SOD2: variants seen among roughly 807,000 people sequenced by gnomAD.
SOD2 encodes the protein superoxide dismutase [Mn], mitochondrial.
Under a neutral mutation model 27.0 loss-of-function variants are expected in SOD2, and 11 were observed. The observed-to-expected ratio is 0.41, with a 90% CI of 0.26 to 0.67. The LOEUF is 0.67. SOD2 is among the 30% of genes least tolerant of loss of function. The probability of loss-of-function intolerance (pLI) is 0.34; values close to 1 mark genes in which losing one functional copy is unlikely to be tolerated. For missense variants in SOD2, 250 were observed against 274.5 expected (o/e 0.91, Z 0.63); for synonymous variants, 105 against 103.0 (o/e 1.02, Z -0.12).
At chr6:159,685,981 G>A (rs1389180226) in intron 3 of SOD2, among the ~76,000 whole-genome samples, 2 of 151,872 alleles carry the variant, frequency 1.3e-5, no homozygotes, top group African/African-American at 2.4e-5. Flanking sequence ...CTTCTTCTAC[G>A]CCTCCATTTG....
intron 1 of SOD2, among the ~76,000 whole-genome samples, chr6:159,700,203 A>G (rs901286083): frequency 6.6e-6 from 1 of 152,192 alleles, no homozygotes; most frequent in African/African-American, 2.4e-5. Context: ...CAATTATTAA[A>G]CATTTAAGGG....
chr6:159,748,480 C>A, upstream of SOD2: 2 of 1,502,560 alleles, frequency 1.3e-6, no homozygotes, highest in African/African-American at 1.4e-5. The surrounding 1 kb of genome is among the most constrained non-coding windows in gnomAD (Gnocchi z 5.6). Flanking sequence ...ACTTTTTGAG[C>A]CAAAAAAAAG....
chr6:159,734,898 T>C (rs1338202803), intron 1 of SOD2, among the ~76,000 whole-genome samples: 1 of 152,182 alleles, frequency 6.6e-6, no homozygotes, highest in Non-Finnish European at 1.5e-5. Flanking sequence ...ATTACACATT[T>C]TTTCTTTGTC....
At position 159,678,986 on chromosome 6, in the gene SOD2, G is replaced by C. The variant is rs1779840948; in HGVS notation, c.*3507C>G. 6.6e-6 allele frequency: 1 copy of C among 152,180 alleles called. No individual in the cohort carries two copies. The highest frequency in any genetic ancestry group is 2.1e-4 in the South Asian group (1 of 4,826). The allele number at this position is 152,180 out of a possible 1,614,324, so 9.4% of individuals were successfully genotyped here. ...TATTACAGATATGACTGGAGATACA[G>C]GTCTTGGTCTTAAGAGTAATATTTC... On this transcript the variant is annotated 3_prime_UTR_variant, in exon 5 of 5. Transcript: ENST00000538183.
At chr6:159,738,145 T>C (rs970196348) in intron 1 of SOD2, among the ~76,000 whole-genome samples, 1 of 152,228 alleles carries the variant, frequency 6.6e-6, no homozygotes, top group African/African-American at 2.4e-5. Context: ...ACTATTATCA[T>C]GTCTAGCTTT....
rs1779796931 is a variant in SOD2, at chr6:159,677,167, G to A, written c.*5326C>T. 6.6e-6 allele frequency: 1 copy of A among 152,190 alleles called. No individual in the cohort carries two copies. Among genetic ancestry groups the A allele is most frequent in the Admixed American group, 6.5e-5 (1 of 15,278 alleles). The allele number at this position is 152,190 out of a possible 1,614,324, so 9.4% of individuals were successfully genotyped here. ...GAGCACAAATTATAGTGGGCAGAGA[G>A]GCAAACTTGGAATCACCGTGACGCT... is the stretch of plus-strand genomic sequence containing the variant. On this transcript the variant is annotated 3_prime_UTR_variant, in exon 5 of 5. Coordinates refer to ENST00000538183, the MANE Select transcript of SOD2 (RefSeq NM_000636.4).
upstream of SOD2, among the ~76,000 whole-genome samples, chr6:159,730,734 A>C (rs765901813): frequency 5.3e-5 from 8 of 152,222 alleles, no homozygotes; most frequent in Non-Finnish European, 1.2e-4. Context: ...AGACAGCTAG[A>C]GTGATCTTAA....
rs1779751888 is a variant in SOD2, at chr6:159,675,238, A to G, written c.*7255T>C. On this transcript the variant is annotated 3_prime_UTR_variant, in exon 5 of 5. Coordinates refer to ENST00000538183, the MANE Select transcript of SOD2 (RefSeq NM_000636.4). ...CCCATGACTTTCTTCATAGAATTGGAAAAAACTACTTTAAAGTTCATGTGG... is the reference window on the plus strand; with the variant it reads ...CCCATGACTTTCTTCATAGAATTGGGAAAAACTACTTTAAAGTTCATGTGG... 6.6e-6 allele frequency: 1 copy of G among 152,212 alleles called. No individual in the cohort carries two copies. The highest frequency in any genetic ancestry group is 1.5e-5 in the Non-Finnish European group (1 of 68,040). 9.4% of individuals were successfully genotyped at this position (152,212 alleles called of 1,614,324 possible).
At chr6:159,709,518 G>T (rs1777690347) in intron 1 of SOD2, among the ~76,000 whole-genome samples, 1 of 152,186 alleles carries the variant, frequency 6.6e-6, no homozygotes, top group Non-Finnish European at 1.5e-5. Context: ...ATGAAAAAAT[G>T]CTCACCATCA....
chr6:159,750,285 T>G, intron 1 of SOD2, among the ~76,000 whole-genome samples: 1 of 152,248 alleles, frequency 6.6e-6, no homozygotes, highest in Non-Finnish European at 1.5e-5. Flanking sequence ...AAATGTATTA[T>G]TAACATGTAC....
intron 1 of SOD2, 22 bp downstream of exon 1, chr6:159,693,123 A>G: frequency 6.5e-7 from 1 of 1,528,630 alleles, no homozygotes; most frequent in African/African-American, 1.4e-5. Context: ...TGGGGCCGTG[A>G]CCGGGTCCCC....
intron 1 of SOD2, among the ~76,000 whole-genome samples, chr6:159,710,320 C>T (rs576074055): frequency 8.7e-5 from 13 of 149,514 alleles, no homozygotes; most frequent in South Asian, 6.3e-4. Flanking sequence ...CGTGGTGGCA[C>T]GTGCCTATAG....
chr6:159,753,367 G>A, intron 1 of SOD2: 1 of 1,538,668 alleles, frequency 6.5e-7, no homozygotes, highest in Non-Finnish European at 8.9e-7. Context: ...ATATAGTTAT[G>A]TTTGTATGTG....
chr6:159,726,883 G>C (rs938882357), intron 1 of SOD2: 9 of 1,289,190 alleles, frequency 7.0e-6, no homozygotes, highest in Non-Finnish European at 8.1e-6. Flanking sequence ...AAACGCCCGC[G>C]GCTCGCCGCC....
At chr6:159,718,757 G>T (rs1777971420) in intron 1 of SOD2, among the ~76,000 whole-genome samples, 1 of 152,110 alleles carries the variant, frequency 6.6e-6, no homozygotes, top group Non-Finnish European at 1.5e-5. Context: ...ACAAACTAAG[G>T]TAAATAAATA....
chr6:159,724,395 CAG>C (rs1196739877), intron 1 of SOD2, among the ~76,000 whole-genome samples: 6 of 152,182 alleles, frequency 3.9e-5, no homozygotes, highest in African/African-American at 1.4e-4. Context: ...ATATACAGTA[CAG>C]AGTTTTAAAA....
chr6:159,752,405 TTTA>T (rs1779854328), intron 1 of SOD2, among the ~76,000 whole-genome samples: 1 of 152,208 alleles, frequency 6.6e-6, no homozygotes, highest in Non-Finnish European at 1.5e-5. Context: ...AATTTCTCCT[TTTA>T]TTGCTGAGGC....
chr6:159,710,727 A>ACTGCTCTGACCTCCATAACCACCACTCAG (rs1562436323), intron 1 of SOD2, among the ~76,000 whole-genome samples: 10 of 149,136 alleles, frequency 6.7e-5, no homozygotes, highest in African/African-American at 2.5e-4. Flanking sequence ...CACCAGTCAC[A>ACTGCTCTGACCTCCATAACCACCACTCAG]CTGCTCTGAC....
At chr6:159,751,526 G>A (rs1173490042) in intron 1 of SOD2, among the ~76,000 whole-genome samples, 1 of 152,220 alleles carries the variant, frequency 6.6e-6, no homozygotes, top group East Asian at 1.9e-4. Context: ...CTAAGTGGAT[G>A]TTCAGTGGAG....
Sources: allele counts gnomAD v4.1 joint callset (sites outside exome capture counted in the v4.1 genomes callset), GRCh38; gene constraint gnomAD v4.1.1; non-coding constraint Gnocchi (gnomAD v3.1); transcripts MANE v1.5; gene names NCBI Gene and HGNC (gene_info 2026-07-23, HGNC 2026-07-21).